Variants in GRAMD2B observed in about 807,000 individuals in gnomAD.
GRAMD2B encodes the protein GRAM domain-containing protein 2B.
Under a neutral mutation model 59.2 loss-of-function variants are expected in GRAMD2B, and 41 were observed. That is an observed-to-expected ratio of 0.69 (90% CI 0.54 to 0.90). The LOEUF (loss-of-function observed/expected upper bound fraction) is 0.90. Among genes scored for constraint, GRAMD2B ranks in the 40% least tolerant of loss-of-function variants. The pLI is 0.00. For missense variants in GRAMD2B, 424 were observed against 500.5 expected, an observed-to-expected ratio of 0.85 and a Z score of 1.46; for synonymous variants, 161 against 182.7, an observed-to-expected ratio of 0.88 and a Z score of 0.96.
intron 1 of GRAMD2B, among the ~76,000 whole-genome samples, chr5:126,397,836 A>G (rs565577936): frequency 6.6e-6 from 1 of 152,242 alleles, no homozygotes; most frequent in Admixed American, 6.5e-5. Flanking sequence ...TTATTTTCAT[A>G]CAGTGTCATT....
At chr5:126,395,465 G>A (rs555569655) in intron 1 of GRAMD2B, among the ~76,000 whole-genome samples, 6 of 152,258 alleles carry the variant, frequency 3.9e-5, no homozygotes, top group Non-Finnish European at 7.4e-5. Flanking sequence ...AGAAGCAATG[G>A]GGAAATTCCA....
At chr5:126,391,218 G>C (rs1580755276) in intron 1 of GRAMD2B, among the ~76,000 whole-genome samples, 2 of 150,916 alleles carry the variant, frequency 1.3e-5, no homozygotes, top group East Asian at 3.9e-4. Flanking sequence ...GCACACACCT[G>C]TAGTCCCAGC....
intron 1 of GRAMD2B, among the ~76,000 whole-genome samples, chr5:126,416,571 G>T (rs924055112): frequency 2.0e-5 from 3 of 152,146 alleles, no homozygotes; most frequent in Non-Finnish European, 4.4e-5. Flanking sequence ...TGTGGGAGAG[G>T]ACAGATAATA....
chr5:126,370,594 G>C (rs1189735247), upstream of GRAMD2B, among the ~76,000 whole-genome samples: 1 of 152,136 alleles, frequency 6.6e-6, no homozygotes, highest in Non-Finnish European at 1.5e-5. Flanking sequence ...TGCATATCTA[G>C]GTAACAATAA....
chr5:126,419,408 C>T (rs878898737), upstream of GRAMD2B, among the ~76,000 whole-genome samples: 1 of 152,096 alleles, frequency 6.6e-6, no homozygotes, highest in Non-Finnish European at 1.5e-5. Context: ...TATCACAAGA[C>T]AGCACTAGGA....
At chr5:126,424,016 A>T (rs191052863) in intron 1 of GRAMD2B, among the ~76,000 whole-genome samples, 3 of 152,350 alleles carry the variant, frequency 2.0e-5, no homozygotes, top group African/African-American at 7.2e-5. Flanking sequence ...GTTTAGAATG[A>T]CCATTTTCAC....
At chr5:126,423,825 G>GTC in intron 1 of GRAMD2B, 136 bp downstream of exon 1, 3 of 706,094 alleles carry the variant, frequency 4.2e-6, no homozygotes, top group Admixed American at 3.8e-5. Flanking sequence ...CGCTCTCTCT[G>GTC]TCTCTCACTC....
intron 5 of GRAMD2B, among the ~76,000 whole-genome samples, chr5:126,473,854 C>T (rs768958091): frequency 2.6e-5 from 4 of 152,172 alleles, no homozygotes; most frequent in Non-Finnish European, 5.9e-5. Flanking sequence ...CTCACCAGCA[C>T]AAAATGAGCA....
At chr5:126,409,558 GT>G (rs989057026) in intron 1 of GRAMD2B, among the ~76,000 whole-genome samples, 15 of 152,036 alleles carry the variant, frequency 9.9e-5, no homozygotes, top group African/African-American at 3.6e-4. Context: ...TTGTAAATTT[GT>G]TTGAGTTCAT....
chr5:126,423,365 C>A, upstream of GRAMD2B: 1 of 1,329,800 alleles, frequency 7.5e-7, no homozygotes, highest in South Asian at 2.1e-5. Flanking sequence ...TCGCTTCGAC[C>A]CTCCCCTTCC....
intron 3 of GRAMD2B, among the ~76,000 whole-genome samples, chr5:126,471,219 T>C (rs1158018536): frequency 2.0e-5 from 3 of 152,170 alleles, no homozygotes; most frequent in Non-Finnish European, 2.9e-5. Flanking sequence ...AGAATTTTTC[T>C]TCAGAAGCAT....
intron 2 of GRAMD2B, among the ~76,000 whole-genome samples, chr5:126,467,015 C>T (rs966364262): frequency 6.6e-6 from 1 of 152,090 alleles, no homozygotes; most frequent in Non-Finnish European, 1.5e-5. Flanking sequence ...GGGGGCCAGG[C>T]ACGGTGGCTC....
intron 1 of GRAMD2B, among the ~76,000 whole-genome samples, chr5:126,463,351 AT>A (rs1767709875): frequency 6.6e-6 from 1 of 152,154 alleles, no homozygotes; most frequent in Non-Finnish European, 1.5e-5. Flanking sequence ...TCTCAAGTAG[AT>A]TTCTGCCTGA....
At chr5:126,381,478 G>C (rs529695829) in intron 1 of GRAMD2B, among the ~76,000 whole-genome samples, 1 of 152,024 alleles carries the variant, frequency 6.6e-6, no homozygotes, top group Non-Finnish European at 1.5e-5. Context: ...TTGCTTTAAA[G>C]TTAGTTTTGT....
chr5:126,398,861 ATTAT>A (rs1360253807), intron 1 of GRAMD2B, among the ~76,000 whole-genome samples: 1 of 152,086 alleles, frequency 6.6e-6, no homozygotes, highest in African/African-American at 2.4e-5. Flanking sequence ...ACACCCAATG[ATTAT>A]TTAGGAGTGT....
rs142161596 is a variant in GRAMD2B, at chr5:126,475,846, C to T, written c.487-1846C>T. ...GGATGTGGCCGGGCGCAGTGGTTCA[C>T]ACCTGTAATCTCAGCACTTTGGGAG... is the stretch of plus-strand genomic sequence containing the variant. On this transcript the variant is annotated intron_variant, in intron 5 of 13. Coordinates refer to ENST00000285689, the MANE Select transcript of GRAMD2B (RefSeq NM_023927.4). Among the ~76,000 whole-genome samples, 742 of 152,254 alleles carry T rather than the reference C, an allele frequency of 4.9e-3. 11 individuals carry two copies. The highest frequency in any genetic ancestry group is 0.017 in the African/African-American group (703 of 41,522).
chr5:126,410,300 A>G (rs2061263985), intron 1 of GRAMD2B, among the ~76,000 whole-genome samples: 1 of 151,684 alleles, frequency 6.6e-6, no homozygotes, highest in Non-Finnish European at 1.5e-5. Context: ...TTTTCACGAT[A>G]TTGATTCTTC....
At chr5:126,385,371 C>A (rs1396088139) in intron 1 of GRAMD2B, among the ~76,000 whole-genome samples, 2 of 152,056 alleles carry the variant, frequency 1.3e-5, no homozygotes, top group Admixed American at 1.3e-4. Flanking sequence ...ATACTATGAG[C>A]AATATAGGCT....
intron 1 of GRAMD2B, among the ~76,000 whole-genome samples, chr5:126,447,644 A>G (rs1202938150): frequency 6.7e-6 from 1 of 149,760 alleles, no homozygotes; most frequent in African/African-American, 2.5e-5. Flanking sequence ...AGCCTGGGCG[A>G]CAGAGCAAGA....
Sources: allele counts gnomAD v4.1 joint callset (sites outside exome capture counted in the v4.1 genomes callset), GRCh38; gene constraint gnomAD v4.1.1; transcripts MANE v1.5; gene names NCBI Gene and HGNC (gene_info 2026-07-23, HGNC 2026-07-21).